The following EML5 variants were observed in gnomAD, a reference collection of about 807,000 sequenced individuals.
EML5 encodes the protein EMAP like 5.
A neutral mutation model predicts 250.0 loss-of-function variants in EML5; 120 were observed. That is an observed-to-expected ratio of 0.48 (90% CI 0.41 to 0.56). The LOEUF (loss-of-function observed/expected upper bound fraction) is 0.56. Among genes scored for constraint, EML5 ranks in the 20% least tolerant of loss-of-function variants. The probability of loss-of-function intolerance (pLI) is 0.00; values close to 1 mark genes in which losing one functional copy is unlikely to be tolerated. For synonymous variants in EML5, 771 were observed against 806.5 expected, an observed-to-expected ratio of 0.96 and a Z score of 0.75; for missense variants, 2,006 against 2,437.6, an observed-to-expected ratio of 0.82 and a Z score of 3.73.
intron 10 of EML5, among the ~76,000 whole-genome samples, chr14:88,708,193 T>G (rs2139805254): frequency 6.6e-6 from 1 of 152,302 alleles, no homozygotes; most frequent in Middle Eastern, 3.4e-3. Context: ...ATTAATTTTT[T>G]AATAACCAGT....
chr14:88,627,995 G>A, intron 33 of EML5, 176 bp from the exon 34 acceptor site: 2 of 713,146 alleles, frequency 2.8e-6, no homozygotes, highest in Non-Finnish European at 4.9e-6. Flanking sequence ...GGAGTTTTGG[G>A]GGTGGGGAGG....
intron 10 of EML5, among the ~76,000 whole-genome samples, chr14:88,707,684 C>T (rs2093341663): frequency 6.6e-6 from 1 of 152,070 alleles, no homozygotes; most frequent in Admixed American, 6.6e-5. Flanking sequence ...AGAATCAAAA[C>T]TCATCTAAAG....
At chr14:88,703,054 T>C (rs2093246817) in intron 13 of EML5, among the ~76,000 whole-genome samples, 1 of 151,936 alleles carries the variant, frequency 6.6e-6, no homozygotes, top group African/African-American at 2.4e-5. Context: ...GCCTGAACAA[T>C]TAAAAAAATA....
chr14:88,638,686 A>AT (rs1431681705), intron 32 of EML5, 123 bp downstream of exon 32: 2 of 793,660 alleles, frequency 2.5e-6, no homozygotes, highest in Admixed American at 5.5e-5. Context: ...GTAGGGCTTT[A>AT]TGTATACATA....
chr14:88,643,842 G>C (rs2091204323), intron 30 of EML5, among the ~76,000 whole-genome samples: 6 of 152,186 alleles, frequency 3.9e-5, no homozygotes, highest in Admixed American at 3.9e-4. Flanking sequence ...GTAGGACTAG[G>C]TTGGGGAGGG....
chr14:88,661,556 C>A, intron 25 of EML5, 98 bp downstream of exon 25: 1 of 1,015,172 alleles, frequency 9.9e-7, no homozygotes. Flanking sequence ...TTACATATTA[C>A]ATATGTACAA....
At chr14:88,694,557 G>T in intron 16 of EML5, 150 bp from the exon 17 acceptor site, 1 of 614,328 alleles carries the variant, frequency 1.6e-6, no homozygotes, top group Non-Finnish European at 2.8e-6. Flanking sequence ...TTGTTCTTTT[G>T]TCATCATTTT....
Position 88,736,565 on chromosome 14 carries a change from C to A in EML5, c.848G>T (p.Gly283Val). The A allele has an allele frequency of 6.2e-7, 1 of 1,613,522 alleles. No homozygotes were observed. The highest frequency in any genetic ancestry group is 8.5e-7 in the Non-Finnish European group (1 of 1,179,728). ...CCAACACACACTCCTTACAGACAAA[C>A]CTAGTAAAAAGTAAATTGTATTTAA... ...DLRETDQGYK[G>V]LSVRSVCWRG... Residue 283 changes from glycine (G) to valine (V), a missense_variant and splice_region_variant, in exon 7 of 44, where the codon GGT becomes GTT. Transcript: ENST00000554922.
chr14:88,751,518 T>G (rs988589947), intron 2 of EML5, among the ~76,000 whole-genome samples: 1 of 151,430 alleles, frequency 6.6e-6, no homozygotes, highest in Non-Finnish European at 1.5e-5. Context: ...TTTTTTTTTG[T>G]TTGTTGGTTT....
At chr14:88,661,928 A>G (rs2092114320) in intron 24 of EML5, 98 bp from the exon 25 acceptor site, 1 of 1,082,844 alleles carries the variant, frequency 9.2e-7, no homozygotes, top group Admixed American at 2.9e-5. Context: ...TGTGTGTCAC[A>G]AGTAAAATGA....
In EML5 at chr14:88,712,388, T is replaced by C. The variant is rs761276248; in HGVS notation, c.1540A>G (p.Lys514Glu). The C allele has an allele frequency of 6.2e-7, 1 of 1,613,520 alleles. No homozygotes were observed. The highest frequency in any genetic ancestry group is 8.5e-7 in the Non-Finnish European group (1 of 1,179,716). Reference protein sequence around the residue: ...SGLEVNGIWPKYSDINDINSV... With the variant: ...SGLEVNGIWPEYSDINDINSV... ...TTTATATCGTTGATATCTGAATACT[T>C]GGGCCAAATTCCATTTACTTCAAGG... is the stretch of plus-strand genomic sequence containing the variant. The change falls in exon 10 of 44, where the codon AAG becomes GAG. Residue 514 changes from lysine to glutamate, a missense_variant. By Grantham distance (56) the Lys-to-Glu change is moderately conservative. Transcript: ENST00000554922.
chr14:88,619,018 A>G, intron 39 of EML5: 1 of 418,706 alleles, frequency 2.4e-6, no homozygotes, highest in East Asian at 4.0e-5. Flanking sequence ...TAAATTTTAA[A>G]TATTTCCCCA....
At chr14:88,726,456 T>C (rs1048486597) in intron 8 of EML5, 85 bp downstream of exon 8, 6 of 1,152,636 alleles carry the variant, frequency 5.2e-6, no homozygotes, top group East Asian at 2.7e-5. Flanking sequence ...AAGTATTATA[T>C]ATTCTGTATC....
At chr14:88,618,030 A>G (rs1295053991) in intron 41 of EML5, 198 bp downstream of exon 41, 1 of 393,590 alleles carries the variant, frequency 2.5e-6, no homozygotes, top group Admixed American at 4.1e-5. Context: ...AACTTGATAA[A>G]TCATGGAAAC....
At chr14:88,615,908 A>G (rs1477571031) in intron 43 of EML5, 54 bp from the exon 44 acceptor site, 5 of 1,565,534 alleles carry the variant, frequency 3.2e-6, no homozygotes, top group Non-Finnish European at 4.3e-6. Flanking sequence ...AGATTTTCAT[A>G]ACAGTTTAAT....
chr14:88,735,565 C>T (rs2093826395), intron 7 of EML5, among the ~76,000 whole-genome samples: 1 of 152,162 alleles, frequency 6.6e-6, no homozygotes, highest in Non-Finnish European at 1.5e-5. Flanking sequence ...AGAAAACAGG[C>T]ACTGGTAATA....
chr14:88,763,681 A>C (rs1304099694), intron 1 of EML5, among the ~76,000 whole-genome samples: 1 of 152,226 alleles, frequency 6.6e-6, no homozygotes, highest in Non-Finnish European at 1.5e-5. Flanking sequence ...CCTGATACCA[A>C]AACATGGCAG....
chr14:88,689,307 C>A (rs2092906217), intron 17 of EML5, among the ~76,000 whole-genome samples: 1 of 148,932 alleles, frequency 6.7e-6, no homozygotes, highest in African/African-American at 2.5e-5. Flanking sequence ...TCTTGCCAAA[C>A]TGTTTTCCGA....
At chr14:88,714,874 C>T in intron 9 of EML5, 65 bp downstream of exon 9, 3 of 1,468,964 alleles carry the variant, frequency 2.0e-6, no homozygotes, top group South Asian at 1.3e-5. Context: ...TTACACTCTG[C>T]TTCCAGTAAA....
Sources: allele counts gnomAD v4.1 joint callset (sites outside exome capture counted in the v4.1 genomes callset), GRCh38; gene constraint gnomAD v4.1.1; transcripts MANE v1.5; gene names NCBI Gene and HGNC (gene_info 2026-07-23, HGNC 2026-07-21).